The following GABRB1 variants were observed in gnomAD, a reference collection of about 807,000 sequenced individuals.
The protein encoded by GABRB1 is gamma-aminobutyric acid type A receptor subunit beta1, also known as gamma-aminobutyric acid receptor subunit beta-1.
Under a neutral mutation model 51.6 loss-of-function variants are expected in GABRB1, and 17 were observed. That is an observed-to-expected ratio of 0.33 (90% CI 0.23 to 0.49). The LOEUF (loss-of-function observed/expected upper bound fraction) is 0.49. GABRB1 is among the 20% of genes least tolerant of loss of function. GABRB1 has a pLI of 0.99. For missense variants in GABRB1, 410 were observed against 600.6 expected (o/e 0.68, Z 3.32); for synonymous variants, 247 against 218.9 (o/e 1.13, Z -1.14).
intron 3 of GABRB1, chr4:47,043,486 T>C (rs1725947527): frequency 6.6e-6 from 1 of 152,078 alleles, no homozygotes; most frequent in South Asian, 2.1e-4. Context: ...TCTGTTCTAT[T>C]GTGTTCAAAA....
At chr4:47,377,688 G>A (rs949134345) in intron 5 of GABRB1, among the ~76,000 whole-genome samples, 8 of 152,132 alleles carry the variant, frequency 5.3e-5, no homozygotes, top group Admixed American at 3.3e-4. Flanking sequence ...TTGACAGGGC[G>A]CTGATTGGTG....
intron 8 of GABRB1, among the ~76,000 whole-genome samples, chr4:47,418,381 A>G (rs1179773161): frequency 6.6e-6 from 1 of 152,242 alleles, no homozygotes; most frequent in African/African-American, 2.4e-5. Context: ...CAACGTTTCT[A>G]CAGTGCAGTG....
intron 1 of GABRB1, among the ~76,000 whole-genome samples, chr4:47,009,733 G>A (rs544898212): frequency 6.6e-6 from 1 of 152,282 alleles, no homozygotes; most frequent in African/African-American, 2.4e-5. Flanking sequence ...AAGTTGGGGG[G>A]TTTTAGGGCC....
chr4:47,156,916 C>T (rs1356572142), intron 3 of GABRB1, among the ~76,000 whole-genome samples: 1 of 151,868 alleles, frequency 6.6e-6, no homozygotes, highest in Non-Finnish European at 1.5e-5. Context: ...TGCAGTGAGC[C>T]GAGGTCATGC....
intron 4 of GABRB1, among the ~76,000 whole-genome samples, chr4:47,191,365 A>C (rs577302153): frequency 1.3e-5 from 2 of 152,238 alleles, no homozygotes; most frequent in Admixed American, 6.5e-5. Context: ...CTCAGAAATG[A>C]CCATCTTACC....
chr4:47,330,751 C>T (rs1402738547), intron 5 of GABRB1, among the ~76,000 whole-genome samples: 1 of 152,116 alleles, frequency 6.6e-6, no homozygotes, highest in Non-Finnish European at 1.5e-5. Context: ...TAATACATTG[C>T]TTTCTGTGCC....
rs1160495080 is a variant in GABRB1 at position 47,247,641 on chromosome 4, AC to A, written c.462-72483del. ...TGGTCATTTTCACAATATTGATTCTACCCAACCATGAGCATGGGATGTGTTT... is the reference window on the plus strand; with the variant it reads ...TGGTCATTTTCACAATATTGATTCTACCAACCATGAGCATGGGATGTGTTT... On this transcript the variant is annotated intron_variant, in intron 4 of 8. Transcript: ENST00000295454. 3.3e-5 allele frequency among the ~76,000 whole-genome samples: 5 copies of A among 151,762 alleles called. No homozygotes were observed. In the East Asian group the frequency reaches 9.7e-4, roughly 29 times the overall value.
chr4:47,015,583 C>T (rs948957563), intron 1 of GABRB1, among the ~76,000 whole-genome samples: 4 of 151,994 alleles, frequency 2.6e-5, no homozygotes, highest in African/African-American at 7.2e-5. Flanking sequence ...AAAGTGAGAG[C>T]TCAGCATAAA....
intron 1 of GABRB1, among the ~76,000 whole-genome samples, chr4:47,001,669 C>T (rs1266351500): frequency 6.6e-6 from 1 of 152,196 alleles, no homozygotes; most frequent in Non-Finnish European, 1.5e-5. Flanking sequence ...CTCCAGTCTG[C>T]CAGACTTCCC....
intron 5 of GABRB1, among the ~76,000 whole-genome samples, chr4:47,362,815 G>A (rs886937358): frequency 1.3e-5 from 2 of 152,110 alleles, no homozygotes; most frequent in Non-Finnish European, 2.9e-5. Context: ...CTGCATATCA[G>A]CTATTGTGTT....
intron 4 of GABRB1, among the ~76,000 whole-genome samples, chr4:47,196,659 C>T (rs757418341): frequency 1.1e-4 from 16 of 152,162 alleles, no homozygotes; most frequent in Non-Finnish European, 1.6e-4. Flanking sequence ...GACTAGAATA[C>T]GTTTAGACAT....
chr4:47,368,415 G>A (rs1305459309), intron 5 of GABRB1, among the ~76,000 whole-genome samples: 1 of 152,096 alleles, frequency 6.6e-6, no homozygotes, highest in Non-Finnish European at 1.5e-5. Flanking sequence ...GGAGGCACTT[G>A]TGGTTGTCAT....
chr4:47,165,279 C>G, intron 4 of GABRB1, among the ~76,000 whole-genome samples: 1 of 152,042 alleles, frequency 6.6e-6, no homozygotes, highest in East Asian at 1.9e-4. Context: ...TTGGTACACA[C>G]TCTTTACAGA....
At chr4:47,162,894 G>T (rs1718022210) in intron 4 of GABRB1, among the ~76,000 whole-genome samples, 1 of 152,002 alleles carries the variant, frequency 6.6e-6, no homozygotes, top group Admixed American at 6.6e-5. Context: ...TATCATCTAT[G>T]CCCTACTCTT....
chr4:47,077,844 A>C (rs548029881), intron 3 of GABRB1, among the ~76,000 whole-genome samples: 29 of 141,160 alleles, frequency 2.1e-4, no homozygotes, highest in South Asian at 1.9e-3. Context: ...TATATATTTT[A>C]TATATATTTT....
At chr4:47,123,875 T>TAATATA (rs1715977788) in intron 3 of GABRB1, among the ~76,000 whole-genome samples, 1 of 79,426 alleles carries the variant, frequency 1.3e-5, no homozygotes, top group African/African-American at 4.3e-5. Context: ...ATATATATCT[T>TAATATA]ATATATAATA....
chr4:47,031,392 C>T (rs142473173), upstream of GABRB1: 13 of 526,254 alleles, frequency 2.5e-5, no homozygotes, highest in African/African-American at 2.5e-4. Context: ...TACACATGCT[C>T]GTAGGATCCC....
intron 4 of GABRB1, among the ~76,000 whole-genome samples, chr4:47,207,059 G>T (rs1720156111): frequency 6.6e-6 from 1 of 151,834 alleles, no homozygotes; most frequent in South Asian, 2.1e-4. Flanking sequence ...TCGAACCTAA[G>T]TCTTTCTTGA....
chr4:47,017,604 T>C (rs6814188), intron 1 of GABRB1, among the ~76,000 whole-genome samples: 93,951 of 151,948 alleles, frequency 0.62, 29,252 homozygotes, highest in East Asian at 0.78. Flanking sequence ...AGGAAAGTTA[T>C]GAAATCGAAT....
Sources: gnomAD v4.1 joint callset for allele counts (sites outside exome capture counted in the v4.1 genomes callset) on GRCh38, gnomAD v4.1.1 for gene constraint, MANE v1.5 for transcripts, NCBI Gene and HGNC (gene_info 2026-07-23, HGNC 2026-07-21) for gene names.